The following FGD4 variants were observed in gnomAD, a reference collection of about 807,000 sequenced individuals.
The protein encoded by FGD4 is FYVE, RhoGEF and PH domain containing 4.
FGD4 carries 42 observed loss-of-function variants against 102.0 expected under a neutral mutation model. The observed-to-expected ratio is 0.41, with a 90% confidence interval of 0.32 to 0.53. The LOEUF (loss-of-function observed/expected upper bound fraction) is 0.53. Among genes scored for constraint, FGD4 ranks in the 20% least tolerant of loss-of-function variants. The pLI is 0.21. For synonymous variants in FGD4, 380 were observed against 375.7 expected (o/e 1.01, Z -0.13); for missense variants, 902 against 1,078.2 (o/e 0.84, Z 2.29).
chr12:32,643,300 A>C lies in FGD4; in HGVS notation c.*2767A>C, dbSNP rs1441377897. On this transcript the variant is annotated 3_prime_UTR_variant, in exon 17 of 17. Coordinates refer to ENST00000534526, the MANE Select transcript of FGD4 (RefSeq NM_001370298.3). ...TGTCATCATGTATGCAAGCAATAAA[A>C]CTCTTTAGGGTATGGTTTTATACTG... 6.6e-6 allele frequency: 1 copy of C among 152,112 alleles called. No homozygotes were observed. The highest frequency in any genetic ancestry group is 1.5e-5 in the Non-Finnish European group (1 of 67,880). 9.4% of individuals were successfully genotyped at this position (152,112 alleles called of 1,614,324 possible). A position where few individuals can be genotyped will look rare whatever the true frequency, so the allele number is the denominator to read the frequency against.
At position 32,582,072 on chromosome 12, in the gene FGD4, C is replaced by T; in HGVS notation, c.616C>T (p.Gln206Ter). 2 of 1,614,176 alleles carry T rather than the reference C, an allele frequency of 1.2e-6. No homozygotes were observed. Among genetic ancestry groups the T allele is most frequent in the Non-Finnish European group, 1.7e-6 (2 of 1,180,046 alleles). ...TTTPQQKLLSQHLPQRQGNDT... is the reference protein window; with the variant it reads ...TTTPQQKLLS ...CACACCTCAACAAAAACTCCTCTCC[C>T]AGCACTTGCCACAGAGGCAGGGAAA... The change falls in exon 4 of 17, where the codon CAG becomes TAG. Residue 206 changes from glutamine (Q) to a stop codon, truncating the protein, a stop_gained. Coordinates refer to ENST00000534526, the MANE Select transcript of FGD4 (RefSeq NM_001370298.3). LOFTEE classifies it high-confidence loss of function.
intron 1 of FGD4, among the ~76,000 whole-genome samples, chr12:32,414,485 C>CTATA (rs1676745075): frequency 6.6e-6 from 1 of 152,130 alleles, no homozygotes; most frequent in Non-Finnish European, 1.5e-5. Context: ...AAATTATTGA[C>CTATA]TATAGTCACC....
At chr12:32,418,697 G>A (rs1245069561) in intron 1 of FGD4, among the ~76,000 whole-genome samples, 2 of 152,058 alleles carry the variant, frequency 1.3e-5, no homozygotes, top group Admixed American at 1.3e-4. Flanking sequence ...CCCAAGGCCC[G>A]GTGTAACCAC....
chr12:32,573,951 G>GA (rs749005389), intron 2 of FGD4, among the ~76,000 whole-genome samples: 12 of 151,814 alleles, frequency 7.9e-5, no homozygotes, highest in African/African-American at 1.2e-4. Flanking sequence ...CCTTGTGGAG[G>GA]AAAAAAAACC....
intron 1 of FGD4, among the ~76,000 whole-genome samples, chr12:32,462,460 C>A (rs1015316333): frequency 6.6e-6 from 1 of 152,130 alleles, no homozygotes; most frequent in African/African-American, 2.4e-5. Flanking sequence ...TGCGCCCAGC[C>A]GACTTTCAAA....
At chr12:32,490,399 C>CTTTTTTTTTTTTTTTT (rs3077004) in intron 1 of FGD4, among the ~76,000 whole-genome samples, 1 of 130,922 alleles carries the variant, frequency 7.6e-6, no homozygotes. Flanking sequence ...TTTTATCAGT[C>CTTTTTTTTTTTTTTTT]TTTTTTTTTT....
chr12:32,467,889 G>T (rs1401014968), intron 1 of FGD4, among the ~76,000 whole-genome samples: 1 of 152,072 alleles, frequency 6.6e-6, no homozygotes, highest in East Asian at 1.9e-4. Flanking sequence ...TGTGGTGGGT[G>T]CCTGTAATCC....
chr12:32,467,348 C>T (rs1404642731), intron 1 of FGD4, among the ~76,000 whole-genome samples: 1 of 152,226 alleles, frequency 6.6e-6, no homozygotes, highest in East Asian at 1.9e-4. Flanking sequence ...GCTTGTGGGA[C>T]CTTAGGAACC....
chr12:32,609,336 C>T (rs1476916556), intron 8 of FGD4, among the ~76,000 whole-genome samples: 1 of 152,180 alleles, frequency 6.6e-6, no homozygotes, highest in Non-Finnish European at 1.5e-5. Flanking sequence ...TTCCCTGTCT[C>T]CATTTTCCAT....
chr12:32,593,961 CATT>C (rs1947676267), intron 4 of FGD4, among the ~76,000 whole-genome samples: 1 of 152,116 alleles, frequency 6.6e-6, no homozygotes, highest in African/African-American at 2.4e-5. Flanking sequence ...ATTTACATGA[CATT>C]ATAGAAAGGA....
At chr12:32,413,089 T>C (rs1205639493) in intron 1 of FGD4, among the ~76,000 whole-genome samples, 1 of 151,166 alleles carries the variant, frequency 6.6e-6, no homozygotes, top group South Asian at 2.1e-4. Context: ...AAAAAAAATT[T>C]TTTTTAAATT....
chr12:32,512,699 G>C (rs565162588), intron 1 of FGD4, among the ~76,000 whole-genome samples: 1 of 152,092 alleles, frequency 6.6e-6, no homozygotes, highest in Non-Finnish European at 1.5e-5. Flanking sequence ...CTGATCCAGG[G>C]CCCACCTCTT....
chr12:32,418,501 A>G (rs980813881), intron 1 of FGD4, among the ~76,000 whole-genome samples: 1 of 152,038 alleles, frequency 6.6e-6, no homozygotes, highest in African/African-American at 2.4e-5. Flanking sequence ...TAAGATCTGG[A>G]AGAATTCTCT....
intron 1 of FGD4, among the ~76,000 whole-genome samples, chr12:32,472,156 C>T (rs1039584178): frequency 6.6e-6 from 1 of 152,200 alleles, no homozygotes; most frequent in Non-Finnish European, 1.5e-5. Flanking sequence ...CGCTTGCTCT[C>T]GGCACCTCCC....
intron 2 of FGD4, among the ~76,000 whole-genome samples, chr12:32,570,727 C>T (rs1945590900): frequency 6.6e-6 from 1 of 152,182 alleles, no homozygotes; most frequent in African/African-American, 2.4e-5. Context: ...AGGCATGAGA[C>T]ATCGTGCCTC....
chr12:32,631,503 CT>C (rs1228901589), intron 14 of FGD4, among the ~76,000 whole-genome samples: 424 of 124,538 alleles, frequency 3.4e-3, no homozygotes, highest in African/African-American at 0.01. Context: ...GAGCAAACAG[CT>C]TTTTTTTTTT....
intron 1 of FGD4, among the ~76,000 whole-genome samples, chr12:32,406,264 G>C (rs1940927545): frequency 6.6e-6 from 1 of 150,888 alleles, no homozygotes; most frequent in Non-Finnish European, 1.5e-5. Flanking sequence ...TTAAATATAT[G>C]GATGTGGGGC....
chr12:32,490,898 G>C (rs1464984376), intron 1 of FGD4, among the ~76,000 whole-genome samples: 1 of 152,096 alleles, frequency 6.6e-6, no homozygotes, highest in African/African-American at 2.4e-5. Flanking sequence ...TCACAGGATT[G>C]AAAGCAAGTA....
At chr12:32,434,772 C>T (rs1370495894) in intron 1 of FGD4, among the ~76,000 whole-genome samples, 2 of 152,022 alleles carry the variant, frequency 1.3e-5, no homozygotes, top group African/African-American at 4.8e-5. Flanking sequence ...TATTCTGATG[C>T]AAAAATCTAC....
Sources: allele counts gnomAD v4.1 joint callset (sites outside exome capture counted in the v4.1 genomes callset), GRCh38; gene constraint gnomAD v4.1.1; transcripts MANE v1.5; gene names NCBI Gene and HGNC (gene_info 2026-07-23, HGNC 2026-07-21).